Variants in IL17RA observed in about 807,000 individuals in gnomAD.
IL17RA encodes the protein interleukin 17 receptor A, also known as interleukin-17 receptor A.
IL17RA carries 34 observed loss-of-function variants against 50.4 expected under a neutral mutation model. The ratio of observed to expected loss-of-function variants is 0.67; its 90% CI spans 0.51 to 0.90. IL17RA has a LOEUF of 0.90. Among genes scored for constraint, IL17RA ranks in the 40% least tolerant of loss-of-function variants. The pLI, the probability that IL17RA is intolerant of heterozygous loss-of-function variation, is 0.00. For synonymous variants in IL17RA, 585 were observed against 510.4 expected (o/e 1.15, Z -1.97); for missense variants, 1,276 against 1,169.8 (o/e 1.09, Z -1.32).
At chr22:17,094,697 A>ATATATATATATGTG (rs1568917550) in intron 1 of IL17RA, among the ~76,000 whole-genome samples, 9 of 52,628 alleles carry the variant, frequency 1.7e-4, no homozygotes, top group African/African-American at 4.5e-4. Context: ...CTCTCTATAT[A>ATATATATATATGTG]TATATATATA....
At chr22:17,100,256 T>C in intron 4 of IL17RA, 99 bp from the exon 5 acceptor site, 1 of 1,448,206 alleles carries the variant, frequency 6.9e-7, no homozygotes, top group South Asian at 1.1e-5. Context: ...TATTTTTGGC[T>C]GAATATTCGG....
chr22:17,089,978 G>A (rs909613499), intron 1 of IL17RA, among the ~76,000 whole-genome samples: 41 of 79,616 alleles, frequency 5.1e-4, no homozygotes, highest in African/African-American at 1.2e-3. Flanking sequence ...AGAAGATCCC[G>A]AACACTTTTT....
chr22:17,092,865 T>C (rs2061352843), intron 1 of IL17RA, among the ~76,000 whole-genome samples: 1 of 152,238 alleles, frequency 6.6e-6, no homozygotes, highest in Admixed American at 6.5e-5. Context: ...ATTTGTGCTT[T>C]CAGAGAAATG....
chr22:17,094,688 T>TCC (rs2061361608), intron 1 of IL17RA, among the ~76,000 whole-genome samples: 5 of 73,904 alleles, frequency 6.8e-5, no homozygotes, highest in South Asian at 3.9e-4. Context: ...TCTCTCTCTC[T>TCC]CTCTATATAT....
At position 17,113,730 on chromosome 22, in the gene IL17RA, A is replaced by G. The variant is rs898133605; in HGVS notation, c.*3910A>G. The G allele has an allele frequency of 2.6e-5, 4 of 152,282 alleles. No homozygotes were observed. Among genetic ancestry groups the G allele is most frequent in the African/African-American group, 9.6e-5 (4 of 41,474 alleles). The allele number at this position is 152,282 out of a possible 1,614,324, so 9.4% of individuals were successfully genotyped here. On this transcript the variant is annotated 3_prime_UTR_variant, in exon 13 of 13. Coordinates refer to ENST00000319363, the MANE Select transcript of IL17RA (RefSeq NM_014339.7). ...TGAGATGGAGGGCCGCTGCTCCAGC[A>G]GCCGGGCCTGCATCCCACAAGTCAA... is the stretch of plus-strand genomic sequence containing the variant.
In IL17RA at chr22:17,109,374, C is replaced by T. The variant is rs752451165; in HGVS notation, c.2155C>T (p.Leu719Phe). The change falls in exon 13 of 13, where the codon CTC becomes TTC. Residue 719 changes from leucine to phenylalanine, a missense_variant. Leu to Phe is a conservative substitution (Grantham distance 22, BLOSUM62 0). Coordinates refer to ENST00000319363, the MANE Select transcript of IL17RA (RefSeq NM_014339.7). ...PGAGRNSVLF[L>F]PVDPEDSPLG... is the part of the protein sequence containing the mutation. ...CGCTGGGCGAAATAGCGTCCTCTTCCTCCCCGTGGACCCCGAGGACTCGCC... is the reference window on the plus strand; with the variant it reads ...CGCTGGGCGAAATAGCGTCCTCTTCTTCCCCGTGGACCCCGAGGACTCGCC... The T allele has an allele frequency of 1.6e-5, 25 of 1,611,110 alleles. No homozygotes were observed. In the African/African-American group the frequency reaches 3.3e-4, roughly 22 times the overall value.
chr22:17,104,274 G>C (rs1320085017), intron 8 of IL17RA, among the ~76,000 whole-genome samples: 1 of 83,498 alleles, frequency 1.2e-5, no homozygotes, highest in Non-Finnish European at 2.5e-5. Context: ...CAGGTGGAGA[G>C]TGTGGTGTGG....
intron 11 of IL17RA, among the ~76,000 whole-genome samples, chr22:17,107,295 C>T (rs1014107341): frequency 6.6e-6 from 1 of 152,182 alleles, no homozygotes; most frequent in African/African-American, 2.4e-5. Flanking sequence ...GGCCAAATTT[C>T]AGGGAGACAG....
chr22:17,109,636 A>G lies in IL17RA; in HGVS notation c.2417A>G (p.Glu806Gly). ...YISRSSPQPP[E>G]GLTEMEEEEE... ...TCCAGGAGCTCCCCGCAGCCCCCCGAGGGACTCACGGAAATGGAGGAAGAG... is the reference window on the plus strand; with the variant it reads ...TCCAGGAGCTCCCCGCAGCCCCCCGGGGGACTCACGGAAATGGAGGAAGAG... Residue 806 changes from glutamate to glycine, a missense_variant, in exon 13 of 13, where the codon GAG becomes GGG. Physicochemically the swap from Glu to Gly is moderately conservative, Grantham distance 98. Transcript: ENST00000319363. 6.2e-7 allele frequency: 1 copy of G among 1,608,598 alleles called. No individual in the cohort carries two copies. The highest frequency in any genetic ancestry group is 8.5e-7 in the Non-Finnish European group (1 of 1,178,042).
chr22:17,107,791 G>T, intron 12 of IL17RA, 23 bp downstream of exon 12: 1 of 1,611,110 alleles, frequency 6.2e-7, no homozygotes, highest in Non-Finnish European at 8.5e-7. Flanking sequence ...TGGTTTGCAT[G>T]TTTGCTTATT....
At chr22:17,095,189 C>T (rs2061364474) in intron 1 of IL17RA, among the ~76,000 whole-genome samples, 1 of 152,086 alleles carries the variant, frequency 6.6e-6, no homozygotes, top group African/African-American at 2.4e-5. Flanking sequence ...TCTAGTGGTG[C>T]ATTAACAAAC....
At position 17,109,122 on chromosome 22, in the gene IL17RA, A is replaced by G. The variant is rs2061428011; in HGVS notation, c.1903A>G (p.Ile635Val). ...REPGSQACLA[I>V]DPLVGEEGGA... Reference sequence around the variant, plus strand: ...GCCTGGCTCCCAGGCCTGCCTGGCCATAGACCCGCTGGTCGGGGAGGAAGG... The same window carrying G: ...GCCTGGCTCCCAGGCCTGCCTGGCCGTAGACCCGCTGGTCGGGGAGGAAGG... The change falls in exon 13 of 13, where the codon ATA (isoleucine) becomes GTA (valine). Residue 635 changes from isoleucine (I) to valine (V), a missense_variant. Physicochemically the swap from Ile to Val is conservative, Grantham distance 29. Transcript: ENST00000319363. 3 of 1,549,900 alleles carry G rather than the reference A, an allele frequency of 1.9e-6. No homozygotes were observed.
At chr22:17,096,609 G>A (rs566498287) in intron 1 of IL17RA, among the ~76,000 whole-genome samples, 18 of 152,050 alleles carry the variant, frequency 1.2e-4, no homozygotes, top group Non-Finnish European at 2.1e-4. Context: ...GGTGGCTCAC[G>A]CTTGTAATCC....
intron 11 of IL17RA, among the ~76,000 whole-genome samples, chr22:17,106,415 G>T (rs1047951250): frequency 1.3e-5 from 2 of 152,222 alleles, no homozygotes; most frequent in African/African-American, 4.8e-5. Flanking sequence ...TAGCCTTGTA[G>T]TCACAGGCCA....
In IL17RA at chr22:17,085,219, G is replaced by C. The variant is rs1289523953; in HGVS notation, c.128G>C (p.Cys43Ser). The C allele has an allele frequency of 2.6e-6, 4 of 1,537,366 alleles. No individual in the cohort carries two copies. Among genetic ancestry groups the C allele is most frequent in the Non-Finnish European group, 1.7e-6 (2 of 1,145,726 alleles). ...CTCCTGGACCACCGGGCGCTGGTCT[G>C]CTCCCAGCCGGTGAGACTCGACGTG... ...LRLLDHRALV[C>S]SQPGLNCTVK... The change falls in exon 1 of 13, where the codon TGC becomes TCC. Residue 43 changes from cysteine to serine, a missense_variant. Transcript: ENST00000319363.
rs1344003069 is a variant in IL17RA, at chr22:17,096,763, G to T, written c.139-299G>T. On this transcript the variant is annotated intron_variant, in intron 1 of 12. Transcript: ENST00000319363. ...CGGGCGCCTGTAGTCCCAGCTACCT[G>T]GGAGGCCGAGGCAGGAGAATGGCGT... is the stretch of plus-strand genomic sequence containing the variant. Among the ~76,000 whole-genome samples the T allele has an allele frequency of 2.0e-5, 3 of 151,872 alleles. No individual in the cohort carries two copies. In the East Asian group the frequency reaches 5.8e-4, roughly 29 times the overall value.
intron 2 of IL17RA, 119 bp from the exon 3 acceptor site, chr22:17,097,678 A>G (rs2061373068): frequency 8.0e-7 from 1 of 1,252,264 alleles, no homozygotes; most frequent in Non-Finnish European, 1.1e-6. Flanking sequence ...GCCAAGGGCC[A>G]CAGGCTGGAA....
intron 1 of IL17RA, among the ~76,000 whole-genome samples, chr22:17,094,652 A>ACTCTCTCT (rs1307011752): frequency 1.1e-3 from 19 of 17,748 alleles, no homozygotes; most frequent in African/African-American, 2.7e-3. Context: ...TTAGTCATAC[A>ACTCTCTCT]CACACTCTCT....
rs770028355 is a variant in IL17RA at position 17,107,685 on chromosome 22, C to G, written c.1046-42C>G. On this transcript the variant is annotated intron_variant, in intron 11 of 12. Coordinates refer to ENST00000319363, the MANE Select transcript of IL17RA (RefSeq NM_014339.7). ...ACCCTGTGAGCTGGTTTCTATTTCT[C>G]TTCCCAAAGAACCACTCCAGTGTAT... 5 of 1,571,576 alleles carry G rather than the reference C, an allele frequency of 3.2e-6. No individual in the cohort carries two copies. In the South Asian group the frequency reaches 4.4e-5, roughly 14 times the overall value.
Sources: gnomAD v4.1 joint callset for allele counts (sites outside exome capture counted in the v4.1 genomes callset) on GRCh38, gnomAD v4.1.1 for gene constraint, MANE v1.5 for transcripts, NCBI Gene and HGNC (gene_info 2026-07-23, HGNC 2026-07-21) for gene names.